THSD7B: variants seen among roughly 807,000 people sequenced by gnomAD.
THSD7B encodes the protein thrombospondin type-1 domain-containing protein 7B.
THSD7B carries 138 observed loss-of-function variants against 213.6 expected under a neutral mutation model. The observed-to-expected ratio is 0.65, with a 90% CI of 0.56 to 0.74. The LOEUF is 0.74. Among genes scored for constraint, THSD7B ranks in the 30% least tolerant of loss-of-function variants. The pLI is 0.00. For missense variants in THSD7B, 1,931 were observed against 1,991.5 expected, an observed-to-expected ratio of 0.97 and a Z score of 0.58; for synonymous variants, 742 against 687.0, an observed-to-expected ratio of 1.08 and a Z score of -1.25.
At chr2:136,982,456 C>T (rs1685599033) in intron 2 of THSD7B, among the ~76,000 whole-genome samples, 1 of 152,072 alleles carries the variant, frequency 6.6e-6, no homozygotes, top group South Asian at 2.1e-4. Flanking sequence ...AAGCATGAAC[C>T]ATCACACCCA....
chr2:137,557,109 C>A (rs970274685), intron 15 of THSD7B, among the ~76,000 whole-genome samples: 1 of 152,136 alleles, frequency 6.6e-6, no homozygotes, highest in Admixed American at 6.5e-5. Context: ...TTTAACACCC[C>A]ACTGTCAACT....
intron 2 of THSD7B, among the ~76,000 whole-genome samples, chr2:136,899,630 G>A (rs1451275386): frequency 6.6e-6 from 1 of 152,212 alleles, no homozygotes; most frequent in Admixed American, 6.5e-5. Flanking sequence ...TTATGTTACA[G>A]TTGTTGTAAG....
intron 15 of THSD7B, among the ~76,000 whole-genome samples, chr2:137,490,735 C>T (rs1369678454): frequency 6.6e-6 from 1 of 152,100 alleles, no homozygotes; most frequent in African/African-American, 2.4e-5. Context: ...CTTTGCTAAT[C>T]CTGTATATGA....
chr2:137,071,162 A>C lies in THSD7B; in HGVS notation c.950+13932A>C, dbSNP rs957515848. ...CACTGACTTCCACAATGGTTGAACT[A>C]GTTTACAGTCCCAGCAACAGTGTAA... is the stretch of plus-strand genomic sequence containing the variant. On this transcript the variant is annotated intron_variant, in intron 3 of 27. Transcript: ENST00000409968. Among the ~76,000 whole-genome samples the C allele has an allele frequency of 3.2e-4, 49 of 152,332 alleles. No individual in the cohort carries two copies. The Middle Eastern group carries it at 0.014, about 42-fold the overall frequency.
chr2:136,958,464 G>A (rs188509945), intron 2 of THSD7B, among the ~76,000 whole-genome samples: 331 of 152,294 alleles, frequency 2.2e-3, no homozygotes, highest in African/African-American at 5.9e-3. Context: ...CCCCCAACTT[G>A]GGAGGCAGTA....
In THSD7B at chr2:136,883,957, A is replaced by G. The variant is rs557630735; in HGVS notation, c.139+1640A>G. 1.7e-4 allele frequency among the ~76,000 whole-genome samples: 26 copies of G among 152,346 alleles called. No individual in the cohort carries two copies. In the East Asian group the frequency reaches 4.6e-3, roughly 27 times the overall value. Reference sequence around the variant, plus strand: ...TTTTTTCCTATTTGGTTTTGCTTTCAAAGCAGATTACTTATGTATGACTGA... The same window carrying G: ...TTTTTTCCTATTTGGTTTTGCTTTCGAAGCAGATTACTTATGTATGACTGA... On this transcript the variant is annotated intron_variant, in intron 2 of 27. Coordinates refer to ENST00000409968, the MANE Select transcript of THSD7B (RefSeq NM_001316349.2).
intron 20 of THSD7B, among the ~76,000 whole-genome samples, chr2:137,629,893 C>A (rs576078269): frequency 6.6e-6 from 1 of 152,210 alleles, no homozygotes; most frequent in Admixed American, 6.5e-5. Flanking sequence ...ATCTCACAAG[C>A]ATTTTTTGAC....
At chr2:137,007,021 A>T (rs1686127221) in intron 2 of THSD7B, among the ~76,000 whole-genome samples, 1 of 152,206 alleles carries the variant, frequency 6.6e-6, no homozygotes, top group Non-Finnish European at 1.5e-5. Flanking sequence ...CTAGCTGTGT[A>T]GAGGACAAGC....
At chr2:137,389,193 C>CATATATATATATATATATATATATATAT (rs59969102) in intron 12 of THSD7B, among the ~76,000 whole-genome samples, 12 of 127,284 alleles carry the variant, frequency 9.4e-5, no homozygotes, top group African/African-American at 3.1e-4. Context: ...ATATATCTGT[C>CATATATATATATATATATATATATATAT]ATATATATAT....
At chr2:136,879,148 T>C (rs1683573994) in intron 1 of THSD7B, among the ~76,000 whole-genome samples, 1 of 152,204 alleles carries the variant, frequency 6.6e-6, no homozygotes, top group Non-Finnish European at 1.5e-5. Context: ...TAGCCAGTTT[T>C]CCCAGCACCA....
intron 20 of THSD7B, among the ~76,000 whole-genome samples, chr2:137,635,940 T>A (rs1682824978): frequency 6.6e-6 from 1 of 152,180 alleles, no homozygotes. Context: ...TGACCTCAAG[T>A]GATCTGCCCG....
At chr2:137,659,588 G>T in intron 24 of THSD7B, 76 bp from the exon 25 acceptor site, 2 of 1,387,496 alleles carry the variant, frequency 1.4e-6, no homozygotes, top group Admixed American at 4.8e-5. Context: ...CGGTGGCACA[G>T]GTTAAAAAAA....
chr2:137,594,401 A>C (rs1426444707), intron 17 of THSD7B, among the ~76,000 whole-genome samples: 1 of 152,042 alleles, frequency 6.6e-6, no homozygotes, highest in African/African-American at 2.4e-5. Flanking sequence ...TGGTACACAG[A>C]ACTGGTAAAA....
rs558170309 is a variant in THSD7B, at chr2:137,547,148, A to G, written c.3139-16073A>G. On this transcript the variant is annotated intron_variant, in intron 15 of 27. Coordinates refer to ENST00000409968, the MANE Select transcript of THSD7B (RefSeq NM_001316349.2). ...AGAGCCAAGATCTCAATTTATCACCATGTAAGTGAATGGCAGGAATGCCAT... is the reference window on the plus strand; with the variant it reads ...AGAGCCAAGATCTCAATTTATCACCGTGTAAGTGAATGGCAGGAATGCCAT... 2.6e-5 allele frequency among the ~76,000 whole-genome samples: 4 copies of G among 152,174 alleles called. No individual in the cohort carries two copies. In the East Asian group the frequency reaches 5.8e-4, roughly 22 times the overall value.
At chr2:137,148,633 A>G (rs1573853317) in intron 5 of THSD7B, among the ~76,000 whole-genome samples, 1 of 152,190 alleles carries the variant, frequency 6.6e-6, no homozygotes, top group South Asian at 2.1e-4. Flanking sequence ...CTGAGGTGGT[A>G]TCAGATGGAG....
intron 12 of THSD7B, among the ~76,000 whole-genome samples, chr2:137,396,638 C>T (rs1187161202): frequency 7.2e-6 from 1 of 138,972 alleles, no homozygotes; most frequent in African/African-American, 2.7e-5. Flanking sequence ...AATGTATATT[C>T]TGTTGATTTG....
At chr2:137,307,514 GACAC>G (rs1397326339) in intron 12 of THSD7B, among the ~76,000 whole-genome samples, 1 of 152,106 alleles carries the variant, frequency 6.6e-6, no homozygotes, top group East Asian at 1.9e-4. Context: ...ACCTTCTGAA[GACAC>G]ACACATTAGA....
At chr2:137,273,035 C>T (rs935919792) in intron 11 of THSD7B, among the ~76,000 whole-genome samples, 5 of 140,520 alleles carry the variant, frequency 3.6e-5, no homozygotes, top group African/African-American at 6.0e-5. Context: ...TACACACACA[C>T]ACACACACAC....
At chr2:137,625,859 C>T (rs187824624) in intron 20 of THSD7B, among the ~76,000 whole-genome samples, 1 of 152,356 alleles carries the variant, frequency 6.6e-6, no homozygotes, top group Non-Finnish European at 1.5e-5. Context: ...GTCTGAGTCC[C>T]AAGCTTTCTG....
Sources: allele counts gnomAD v4.1 joint callset (sites outside exome capture counted in the v4.1 genomes callset), GRCh38; gene constraint gnomAD v4.1.1; transcripts MANE v1.5; gene names NCBI Gene and HGNC (gene_info 2026-07-23, HGNC 2026-07-21).